FOXF1: variants seen among roughly 807,000 people sequenced by gnomAD.
FOXF1 encodes forkhead box F1, also known as forkhead box protein F1.
A neutral mutation model predicts 26.6 loss-of-function variants in FOXF1; 9 were observed. That is an observed-to-expected ratio of 0.34 (90% confidence interval 0.20 to 0.59). FOXF1 has a LOEUF of 0.59. Ranked by LOEUF, FOXF1 falls within the 20% of genes least tolerant of loss-of-function variation. The pLI is 0.83. For synonymous variants in FOXF1, 330 were observed against 257.7 expected, an observed-to-expected ratio of 1.28 and a Z score of -2.69; for missense variants, 499 against 549.9, an observed-to-expected ratio of 0.91 and a Z score of 0.93.
Position 86,510,634 on chromosome 16 carries a change from G to T in FOXF1, c.65G>T (p.Gly22Val). ...GGCGGCGGCGGCGGCGGCGGGGGAGGCGGCGCGGCCATGGACCCCGCGTCG... is the reference window on the plus strand; with the variant it reads ...GGCGGCGGCGGCGGCGGCGGGGGAGTCGGCGCGGCCATGGACCCCGCGTCG... ...HGGGGGGGGG[G>V]GAAMDPASSG... The change falls in exon 1 of 2, where the codon GGC becomes GTC. Residue 22 changes from glycine (G) to valine (V), a missense_variant. Coordinates refer to ENST00000262426, the MANE Select transcript of FOXF1 (RefSeq NM_001451.3). 3 of 1,420,906 alleles carry T rather than the reference G, an allele frequency of 2.1e-6. No homozygotes were observed. Among genetic ancestry groups the T allele is most frequent in the Non-Finnish European group, 2.7e-6 (3 of 1,095,420 alleles). The allele number at this position is 1,420,906 out of a possible 1,614,324, so 88.0% of individuals were successfully genotyped here.
Position 86,510,602 on chromosome 16 carries a change from G to A in FOXF1, c.33G>A (p.Pro11=). Residue 11 remains proline (P), a synonymous_variant, in exon 1 of 2, where the codon CCG becomes CCA. Transcript: ENST00000262426. MSSAPEKQQP[P]HGGGGGGGGG... is the part of the protein sequence containing the mutation. ...CGGCGCCCGAGAAGCAGCAGCCACC[G>A]CACGGCGGCGGCGGCGGCGGCGGCG... 1.4e-6 allele frequency: 2 copies of A among 1,384,882 alleles called. No homozygotes were observed. Among genetic ancestry groups the A allele is most frequent in the Non-Finnish European group, 1.9e-6 (2 of 1,078,450 alleles). The allele number at this position is 1,384,882 out of a possible 1,614,324, so 85.8% of individuals were successfully genotyped here. A position where few individuals can be genotyped will look rare whatever the true frequency, so the allele number is the denominator to read the frequency against.
chr16:86,512,157 C>G (rs1470794600), intron 1 of FOXF1, among the ~76,000 whole-genome samples: 1 of 152,244 alleles, frequency 6.6e-6, no homozygotes, highest in Admixed American at 6.5e-5. Flanking sequence ...GAGCTGCAGA[C>G]CGGGCCATGG....
At chr16:86,511,915 G>A (rs967636126) in intron 1 of FOXF1, among the ~76,000 whole-genome samples, 3 of 152,214 alleles carry the variant, frequency 2.0e-5, no homozygotes, top group Non-Finnish European at 2.9e-5. Flanking sequence ...GGCTCCCAGC[G>A]CTGGCCAGAT....
At chr16:86,512,877 G>A (rs2143191669) in intron 1 of FOXF1, 48 bp from the exon 2 acceptor site, 1 of 1,611,018 alleles carries the variant, frequency 6.2e-7, no homozygotes, top group South Asian at 1.1e-5. Context: ...GAGCCACCGT[G>A]GCTAACTCTT....
rs140770299 is a variant in FOXF1 at position 86,513,023 on chromosome 16, G to C, written c.1078G>C (p.Gly360Arg). 4.3e-6 allele frequency: 7 copies of C among 1,613,690 alleles called. No individual in the cohort carries two copies. Among genetic ancestry groups the C allele is most frequent in the Non-Finnish European group, 5.9e-6 (7 of 1,180,036 alleles). Residue 360 changes from glycine to arginine, a missense_variant, in exon 2 of 2, where the codon GGC becomes CGC. By Grantham distance (125) the Gly-to-Arg change is moderately radical. This residue lies in a region of FOXF1 where 367 missense variants were observed against 324.8 expected (regional missense o/e 1.13). Coordinates refer to ENST00000262426, the MANE Select transcript of FOXF1 (RefSeq NM_001451.3). Reference protein sequence around the residue: ...AMASSSMHSAGGGSYYHQQVT... With the variant: ...AMASSSMHSARGGSYYHQQVT... ...GGCGTCCTCTTCCATGCACTCGGCC[G>C]GCGGGGGCTCCTACTACCACCAGCA... is the stretch of plus-strand genomic sequence containing the variant.
Position 86,511,443 on chromosome 16 carries a change from C to G in FOXF1, c.874C>G (p.Pro292Ala), listed in dbSNP as rs768402429. The G allele has an allele frequency of 6.3e-7, 1 of 1,594,876 alleles. No homozygotes were observed. Among genetic ancestry groups the G allele is most frequent in the Non-Finnish European group, 8.5e-7 (1 of 1,178,574 alleles). Reference sequence around the variant, plus strand: ...TTATATCAAGCAGCAGCCCCTGTCCCCCTGTAACCCCGCGGCCAACCCCCT... The same window carrying G: ...TTATATCAAGCAGCAGCCCCTGTCCGCCTGTAACCCCGCGGCCAACCCCCT... ...ASYIKQQPLS[P>A]CNPAANPLSG... is the part of the protein sequence containing the mutation. Residue 292 changes from proline to alanine, a missense_variant, in exon 1 of 2, where the codon CCC (proline) becomes GCC (alanine). Around this residue, in one of 5 missense-constraint regions of FOXF1, gnomAD observed 367 missense variants for 324.8 expected, o/e 1.13. Coordinates refer to ENST00000262426, the MANE Select transcript of FOXF1 (RefSeq NM_001451.3).
chr16:86,511,292 C>T lies in FOXF1; in HGVS notation c.723C>T (p.Ser241=). 1.3e-6 allele frequency: 2 copies of T among 1,523,418 alleles called. No individual in the cohort carries two copies. The highest frequency in any genetic ancestry group is 1.8e-6 in the Non-Finnish European group (2 of 1,142,392). The allele number at this position is 1,523,418 out of a possible 1,614,324, so 94.4% of individuals were successfully genotyped here. The change falls in exon 1 of 2, where the codon AGC becomes AGT. Residue 241 remains serine, a synonymous_variant. Transcript: ENST00000262426. ...AAAGEYPHHD[S]SVPASPLLPT... is the part of the protein sequence containing the mutation. ...CCGGCGAGTACCCGCACCACGACAG[C>T]TCGGTGCCCGCCTCCCCGCTGCTGC...
chr16:86,514,790 T>G lies in FOXF1; in HGVS notation c.*1705T>G, dbSNP rs1969621767. 1 of 152,132 alleles carries G rather than the reference T, an allele frequency of 6.6e-6. No homozygotes were observed. The highest frequency in any genetic ancestry group is 6.5e-5 in the Admixed American group (1 of 15,270). The allele number at this position is 152,132 out of a possible 1,614,324, so 9.4% of individuals were successfully genotyped here. A position where few individuals can be genotyped will look rare whatever the true frequency, so the allele number is the denominator to read the frequency against. On this transcript the variant is annotated 3_prime_UTR_variant, in exon 2 of 2. Transcript: ENST00000262426. ...TAGGGAACACCAATTAAACCATATATGTGCACATACATATGGATATACATA... is the reference window on the plus strand; with the variant it reads ...TAGGGAACACCAATTAAACCATATAGGTGCACATACATATGGATATACATA...
Position 86,513,261 on chromosome 16 carries a change from G to C in FOXF1, c.*176G>C, listed in dbSNP as rs1332302393. On this transcript the variant is annotated 3_prime_UTR_variant, in exon 2 of 2. Coordinates refer to ENST00000262426, the MANE Select transcript of FOXF1 (RefSeq NM_001451.3). ...AATGCAAAGACACAGCGCTGCGGTT[G>C]GCACCTCCTTCCTCACTCCTTCAAA... 4 of 634,154 alleles carry C rather than the reference G, an allele frequency of 6.3e-6. No homozygotes were observed. The highest frequency in any genetic ancestry group is 3.8e-5 in the South Asian group (2 of 52,280). The allele number at this position is 634,154 out of a possible 1,614,324, so 39.3% of individuals were successfully genotyped here. A position where few individuals can be genotyped will look rare whatever the true frequency, so the allele number is the denominator to read the frequency against.
Position 86,513,272 on chromosome 16 carries a change from C to T in FOXF1, c.*187C>T. 3.3e-6 allele frequency: 2 copies of T among 613,026 alleles called. No individual in the cohort carries two copies. The highest frequency in any genetic ancestry group is 5.8e-6 in the Non-Finnish European group (2 of 346,426). The allele number at this position is 613,026 out of a possible 1,614,324, so 38.0% of individuals were successfully genotyped here. On this transcript the variant is annotated 3_prime_UTR_variant, in exon 2 of 2. Transcript: ENST00000262426. ...ACAGCGCTGCGGTTGGCACCTCCTT[C>T]CTCACTCCTTCAAAATTGTTAAGAA...
At position 86,513,129 on chromosome 16, in the gene FOXF1, G is replaced by A. The variant is rs767560246; in HGVS notation, c.*44G>A. 1.2e-4 allele frequency: 186 copies of A among 1,599,992 alleles called. 2 individuals carry two copies. The highest frequency in any genetic ancestry group is 1.3e-4 in the African/African-American group (10 of 74,828). ...TCCTGGTGCAGGCAGGCGGGTCACA[G>A]GGACCCTGGACCGGCACAAGAAACT... On this transcript the variant is annotated 3_prime_UTR_variant, in exon 2 of 2. Coordinates refer to ENST00000262426, the MANE Select transcript of FOXF1 (RefSeq NM_001451.3).
chr16:86,512,125 G>A (rs761178162), intron 1 of FOXF1, among the ~76,000 whole-genome samples: 1 of 152,248 alleles, frequency 6.6e-6, no homozygotes, highest in Non-Finnish European at 1.5e-5. Flanking sequence ...GGAGGGTGCC[G>A]TGGCCAGGCC....
In FOXF1 at chr16:86,513,210, A is replaced by G. The variant is rs1008064888; in HGVS notation, c.*125A>G. 2.4e-5 allele frequency: 25 copies of G among 1,050,464 alleles called. No homozygotes were observed. Among genetic ancestry groups the G allele is most frequent in the African/African-American group, 1.4e-4 (9 of 62,888 alleles). The allele number at this position is 1,050,464 out of a possible 1,614,324, so 65.1% of individuals were successfully genotyped here. A position where few individuals can be genotyped will look rare whatever the true frequency, so the allele number is the denominator to read the frequency against. On this transcript the variant is annotated 3_prime_UTR_variant, in exon 2 of 2. Transcript: ENST00000262426. ...AAGAAAAGGGTTCCACCTCTCCCCA[A>G]CCGGAGTTTTTGGCAAGGAGTCCCC... is the stretch of plus-strand genomic sequence containing the variant.
chr16:86,511,594 C>A, intron 1 of FOXF1, 46 bp downstream of exon 1: 3 of 1,547,200 alleles, frequency 1.9e-6, no homozygotes, highest in Non-Finnish European at 2.6e-6. Context: ...GAAGTCGAGT[C>A]TGAGTGGCAG....
chr16:86,510,917 C>T lies in FOXF1; in HGVS notation c.348C>T (p.Pro116=), dbSNP rs111830706. ...FIKLPKGLGR[P]GKGHYWTIDP... ...AGCTACCCAAGGGCCTTGGGCGGCC[C>T]GGCAAGGGCCACTACTGGACCATCG... Residue 116 remains proline (P), a synonymous_variant, in exon 1 of 2, where the codon CCC becomes CCT. Coordinates refer to ENST00000262426, the MANE Select transcript of FOXF1 (RefSeq NM_001451.3). The T allele has an allele frequency of 3.1e-4, 495 of 1,613,714 alleles. 1 individual carries two copies. The highest frequency in any genetic ancestry group is 4.0e-4 in the Non-Finnish European group (475 of 1,180,028).
At position 86,510,617 on chromosome 16, in the gene FOXF1, C is replaced by A; in HGVS notation, c.48C>A (p.Gly16=). The A allele has an allele frequency of 7.2e-7, 1 of 1,393,158 alleles. No homozygotes were observed. The highest frequency in any genetic ancestry group is 3.6e-5 in the Admixed American group (1 of 27,478). The allele number at this position is 1,393,158 out of a possible 1,614,324, so 86.3% of individuals were successfully genotyped here. A position where few individuals can be genotyped will look rare whatever the true frequency, so the allele number is the denominator to read the frequency against. Residue 16 remains glycine (G), a synonymous_variant, in exon 1 of 2, where the codon GGC becomes GGA. Transcript: ENST00000262426. ...EKQQPPHGGG[G]GGGGGGGAAM... The stretch of plus-strand genomic sequence containing the variant: ...AGCAGCCACCGCACGGCGGCGGCGG[C>A]GGCGGCGGCGGGGGAGGCGGCGCGG...
rs768800681 is a variant in FOXF1, at chr16:86,513,121, G to T, written c.*36G>T. ...GCAGGCCCTCCTGGTGCAGGCAGGC[G>T]GGTCACAGGGACCCTGGACCGGCAC... On this transcript the variant is annotated 3_prime_UTR_variant, in exon 2 of 2. Transcript: ENST00000262426. The T allele has an allele frequency of 6.2e-7, 1 of 1,603,632 alleles. No individual in the cohort carries two copies. The highest frequency in any genetic ancestry group is 2.2e-5 in the East Asian group (1 of 44,866).
rs144309953 is a variant in FOXF1 at position 86,511,538 on chromosome 16, C to A, written c.969C>A (p.Ala323=). The A allele has an allele frequency of 1.5e-4, 245 of 1,586,932 alleles. No homozygotes were observed. The African/African-American group carries it at 2.9e-3, about 19-fold the overall frequency. ...ACCAGAACAGCCACAACGCCCCAGC[C>A]GAGCTGCAAGGTGAGTGGGGAGGCC... The part of the protein sequence containing the change: ...YLHQNSHNAP[A]ELQGIPRYHS... Residue 323 remains alanine, a synonymous_variant, in exon 1 of 2, where the codon GCC becomes GCA. Transcript: ENST00000262426.
rs886052379 is a variant in FOXF1 at position 86,513,204 on chromosome 16, T to TC, written c.*123dup. On this transcript the variant is annotated 3_prime_UTR_variant, in exon 2 of 2. Transcript: ENST00000262426. ...CGGCAGAAGAAAAGGGTTCCACCTC[T>TC]CCCCAACCGGAGTTTTTGGCAAGGA... is the stretch of plus-strand genomic sequence containing the variant. 1 of 1,120,872 alleles carries TC rather than the reference T, an allele frequency of 8.9e-7. No homozygotes were observed. The highest frequency in any genetic ancestry group is 1.3e-6 in the Non-Finnish European group (1 of 782,178). The allele number at this position is 1,120,872 out of a possible 1,614,324, so 69.4% of individuals were successfully genotyped here. A position where few individuals can be genotyped will look rare whatever the true frequency, so the allele number is the denominator to read the frequency against.
Sources: gnomAD v4.1 joint callset for allele counts (sites outside exome capture counted in the v4.1 genomes callset) on GRCh38, gnomAD v4.1.1 for gene constraint, gnomAD v4.1.1 regional missense constraint, MANE v1.5 for transcripts, NCBI Gene and HGNC (gene_info 2026-07-23, HGNC 2026-07-21) for gene names.